FAM168A: variants seen among roughly 807,000 people sequenced by gnomAD.
FAM168A encodes the protein protein FAM168A.
Under a neutral mutation model 28.5 loss-of-function variants are expected in FAM168A, and 3 were observed. The ratio of observed to expected loss-of-function variants is 0.11; its 90% CI spans 0.05 to 0.27. FAM168A has a LOEUF of 0.27. Among genes scored for constraint, FAM168A ranks in the 10% least tolerant of loss-of-function variants. The probability of loss-of-function intolerance (pLI) is 1.00; values close to 1 mark genes in which losing one functional copy is unlikely to be tolerated. For missense variants in FAM168A, 222 were observed against 311.5 expected (o/e 0.71, Z 2.16); for synonymous variants, 122 against 124.2 (o/e 0.98, Z 0.12).
At chr11:73,579,223 A>G (rs1010216754) in intron 1 of FAM168A, among the ~76,000 whole-genome samples, 1 of 152,204 alleles carries the variant, frequency 6.6e-6, no homozygotes, top group Non-Finnish European at 1.5e-5. Flanking sequence ...TTGGTGGGAT[A>G]CACTCAGTCC....
At chr11:73,414,299 T>C (rs1866663925) in intron 4 of FAM168A, among the ~76,000 whole-genome samples, 4 of 152,230 alleles carry the variant, frequency 2.6e-5, no homozygotes, top group Admixed American at 2.6e-4. Context: ...GCTACAATGG[T>C]AGTCACTGAC....
At chr11:73,457,762 AAAGAAAAG>A (rs1364606084) in intron 2 of FAM168A, among the ~76,000 whole-genome samples, 3 of 128,214 alleles carry the variant, frequency 2.3e-5, no homozygotes, top group African/African-American at 1.2e-4. Context: ...AAAAGAAAAG[AAAGAAAAG>A]AAAAAAAAGG....
rs190187925 is a variant in FAM168A, at chr11:73,578,419, C to T, written c.-19+19504G>A. 5.2e-3 allele frequency among the ~76,000 whole-genome samples: 784 copies of T among 152,198 alleles called. 24 individuals carry two copies. Among genetic ancestry groups the T allele is most frequent in the Non-Finnish European group, 1.5e-3 (101 of 68,000 alleles). On this transcript the variant is annotated intron_variant, in intron 1 of 7. Transcript: ENST00000356467. Reference sequence around the variant, plus strand: ...GTATGTCAAAACTTAGCAAATTGTACATAAAATTTGTATCACTTACTGTAT... The same window carrying T: ...GTATGTCAAAACTTAGCAAATTGTATATAAAATTTGTATCACTTACTGTAT...
chr11:73,551,459 T>A (rs748885049), intron 1 of FAM168A, among the ~76,000 whole-genome samples: 1 of 152,250 alleles, frequency 6.6e-6, no homozygotes, highest in Non-Finnish European at 1.5e-5. Context: ...TGGAACACCA[T>A]GATTCAGCTA....
chr11:73,457,600 G>A (rs1450136838), intron 2 of FAM168A, among the ~76,000 whole-genome samples: 1 of 151,080 alleles, frequency 6.6e-6, no homozygotes, highest in East Asian at 1.9e-4. Context: ...AATTGGCCAG[G>A]TGCAGTGGCT....
chr11:73,521,980 T>C (rs1022087325), intron 1 of FAM168A, among the ~76,000 whole-genome samples: 1 of 152,024 alleles, frequency 6.6e-6, no homozygotes, highest in Non-Finnish European at 1.5e-5. Flanking sequence ...CTCAAGGAAG[T>C]TGAAACTGTA....
intron 5 of FAM168A, chr11:73,410,593 G>A (rs1020409048): frequency 2.0e-4 from 30 of 152,096 alleles, no homozygotes; most frequent in African/African-American, 7.2e-4. Flanking sequence ...ACTTGTAGGG[G>A]AAGTAAACAG....
chr11:73,422,249 G>A (rs1866806473), intron 3 of FAM168A, among the ~76,000 whole-genome samples: 1 of 152,022 alleles, frequency 6.6e-6, no homozygotes, highest in Non-Finnish European at 1.5e-5. Context: ...TGTGCCTTTG[G>A]TTACTATGTC....
At chr11:73,571,395 G>A (rs974085639) in intron 1 of FAM168A, among the ~76,000 whole-genome samples, 181 of 151,772 alleles carry the variant, frequency 1.2e-3, no homozygotes, top group Admixed American at 2.6e-3. Context: ...GCAGGCGCGC[G>A]CCGCCATGCC....
At chr11:73,562,019 T>G (rs1202475974) in intron 1 of FAM168A, among the ~76,000 whole-genome samples, 1 of 152,172 alleles carries the variant, frequency 6.6e-6, no homozygotes, top group African/African-American at 2.4e-5. Flanking sequence ...CTCAGCTCAC[T>G]GCAACCTCCA....
chr11:73,479,790 C>G (rs373164322), intron 1 of FAM168A, among the ~76,000 whole-genome samples: 1 of 152,052 alleles, frequency 6.6e-6, no homozygotes, highest in African/African-American at 2.4e-5. Context: ...TGGAAAAGGG[C>G]CTGATATTAA....
At chr11:73,502,883 GAT>G (rs556410899) in intron 1 of FAM168A, among the ~76,000 whole-genome samples, 18 of 152,138 alleles carry the variant, frequency 1.2e-4, no homozygotes, top group Non-Finnish European at 2.2e-4. Context: ...CACATAAACA[GAT>G]CCAAAGACAA....
intron 2 of FAM168A, among the ~76,000 whole-genome samples, chr11:73,436,341 A>T (rs1248537432): frequency 6.6e-6 from 1 of 152,204 alleles, no homozygotes; most frequent in East Asian, 1.9e-4. Context: ...AGCTTAAAAT[A>T]GCAGAGTATC....
chr11:73,523,864 A>ATTTTT lies in FAM168A; in HGVS notation c.-18-55377_-18-55373dup, dbSNP rs112025313. Among the ~76,000 whole-genome samples the ATTTTT allele has an allele frequency of 8.2e-4, 119 of 145,270 alleles. 1 individual carries two copies. The highest frequency in any genetic ancestry group is 2.6e-3 in the African/African-American group (101 of 39,250). On this transcript the variant is annotated intron_variant, in intron 1 of 7. Coordinates refer to ENST00000356467, the MANE Select transcript of FAM168A (RefSeq NM_015159.3). ...TATCTGAAAATGTCTCTTTTCCCCT[A>ATTTTT]TTTTTTTTTTTTTGAAGAGAGAGCA...
intron 1 of FAM168A, among the ~76,000 whole-genome samples, chr11:73,487,606 C>T (rs1275007632): frequency 6.6e-6 from 1 of 152,110 alleles, no homozygotes; most frequent in East Asian, 1.9e-4. Flanking sequence ...GATTATAATG[C>T]ATTGCCCTCT....
intron 1 of FAM168A, among the ~76,000 whole-genome samples, chr11:73,487,622 A>G (rs1480357867): frequency 6.6e-6 from 1 of 152,148 alleles, no homozygotes. Flanking sequence ...CCTCTCAGTT[A>G]TCTGATCTCT....
At chr11:73,443,041 C>G (rs1217940258) in intron 2 of FAM168A, among the ~76,000 whole-genome samples, 2 of 132,218 alleles carry the variant, frequency 1.5e-5, no homozygotes, top group African/African-American at 5.7e-5. Flanking sequence ...AAATTAGGAG[C>G]ACATAACTAA....
intron 2 of FAM168A, among the ~76,000 whole-genome samples, chr11:73,451,168 G>A (rs1207078293): frequency 6.6e-6 from 1 of 152,190 alleles, no homozygotes; most frequent in Non-Finnish European, 1.5e-5. Context: ...TAAGCTCTTA[G>A]GCTGTCTGGG....
At chr11:73,495,090 A>T (rs1353314817) in intron 1 of FAM168A, among the ~76,000 whole-genome samples, 1 of 151,938 alleles carries the variant, frequency 6.6e-6, no homozygotes, top group Admixed American at 6.6e-5. Flanking sequence ...CTCCCCAGGG[A>T]ATTGCCTGTC....
Sources: gnomAD v4.1 joint callset for allele counts (sites outside exome capture counted in the v4.1 genomes callset) on GRCh38, gnomAD v4.1.1 for gene constraint, MANE v1.5 for transcripts, NCBI Gene and HGNC (gene_info 2026-07-23, HGNC 2026-07-21) for gene names.